SLAMF9: variants seen among roughly 807,000 people sequenced by gnomAD.
SLAMF9 encodes SLAM family member 9, also known as CD2 family member 10.
Under a neutral mutation model 30.4 loss-of-function variants are expected in SLAMF9, and 25 were observed. That is an observed-to-expected ratio of 0.82 (90% CI 0.60 to 1.15). The LOEUF (loss-of-function observed/expected upper bound fraction) is 1.15, where lower values mean the gene tolerates loss of function less well. Ranked by LOEUF, SLAMF9 falls within the 50% of genes most tolerant of loss-of-function variation. The pLI is 0.00. For synonymous variants in SLAMF9, 129 were observed against 127.2 expected, an observed-to-expected ratio of 1.01 and a Z score of -0.09; for missense variants, 344 against 346.1, an observed-to-expected ratio of 0.99 and a Z score of 0.05.
upstream of SLAMF9, among the ~76,000 whole-genome samples, chr1:159,954,601 G>A (rs1428769826): frequency 6.6e-6 from 1 of 152,166 alleles, no homozygotes; most frequent in African/African-American, 2.4e-5. Flanking sequence ...TATCTCCCCA[G>A]ACAGACTTCA....
the SLAMF9 span, chr1:159,973,367 C>T: frequency 1.8e-6 from 1 of 546,822 alleles, no homozygotes; most frequent in Non-Finnish European, 3.2e-6. Flanking sequence ...CTACTCAGTC[C>T]AGGCTGCAGC....
the SLAMF9 span, among the ~76,000 whole-genome samples, chr1:159,971,179 C>T: frequency 1.3e-5 from 2 of 152,228 alleles, no homozygotes; most frequent in Non-Finnish European, 2.9e-5. Context: ...GGCATAAATC[C>T]CTCATCATAA....
At chr1:159,958,611 C>G (rs1301554753), upstream of SLAMF9, among the ~76,000 whole-genome samples, 7 of 152,068 alleles carry the variant, frequency 4.6e-5, no homozygotes, top group Non-Finnish European at 1.0e-4. Context: ...CAGGTGAGCA[C>G]CACCATGCCC....
chr1:159,966,937 TTTTG>T, the SLAMF9 span, among the ~76,000 whole-genome samples: 1 of 152,188 alleles, frequency 6.6e-6, no homozygotes, highest in Non-Finnish European at 1.5e-5. Flanking sequence ...GTTTTTGTTT[TTTTG>T]TTTGTTTTTG....
the SLAMF9 span, among the ~76,000 whole-genome samples, chr1:159,960,101 G>T: frequency 1.3e-5 from 2 of 151,446 alleles, no homozygotes; most frequent in East Asian, 1.9e-4. Context: ...TGCCATGTTG[G>T]TGTGCTGCAC....
chr1:159,969,675 A>G, the SLAMF9 span, among the ~76,000 whole-genome samples: 16 of 152,326 alleles, frequency 1.1e-4, no homozygotes, highest in Non-Finnish European at 2.2e-4. Context: ...GGCTTATGAA[A>G]ATATTTCCTG....
the SLAMF9 span, among the ~76,000 whole-genome samples, chr1:159,970,018 CCTCTGCACTCCA>C: frequency 6.6e-6 from 1 of 152,068 alleles, no homozygotes; most frequent in Non-Finnish European, 1.5e-5. Context: ...CGTGATCGCA[CCTCTGCACTCCA>C]GTGTGGGTGA....
intron 2 of SLAMF9, 93 bp from the exon 3 acceptor site, chr1:159,952,627 C>CAGGT: frequency 7.5e-7 from 1 of 1,334,506 alleles, no homozygotes; most frequent in Non-Finnish European, 1.0e-6. Flanking sequence ...AATGCTACCC[C>CAGGT]TTGACAGCCC....
chr1:159,964,864 G>A, the SLAMF9 span, among the ~76,000 whole-genome samples: 1 of 152,132 alleles, frequency 6.6e-6, no homozygotes, highest in Non-Finnish European at 1.5e-5. Context: ...TGAGACTGGA[G>A]GCACACAAAG....
rs987045437 is a variant in SLAMF9 at position 159,954,107 on chromosome 1, G to A, written c.31C>T (p.Leu11=). Residue 11 remains leucine, a synonymous_variant, in exon 1 of 4, where the codon CTG becomes TTG. Transcript: ENST00000368093. ...CTTCACTCACCCTCCTGGAGCAGCA[G>A]GAGAAGAAGCAGCCAAGGAAAGGCA... MCAFPWLLLL[L]LLQEGSQRRL... The A allele has an allele frequency of 6.2e-7, 1 of 1,613,928 alleles. No individual in the cohort carries two copies. Among genetic ancestry groups the A allele is most frequent in the Non-Finnish European group, 8.5e-7 (1 of 1,179,972 alleles).
upstream of SLAMF9, among the ~76,000 whole-genome samples, chr1:159,957,070 C>T (rs545035241): frequency 1.1e-4 from 14 of 125,432 alleles, no homozygotes; most frequent in East Asian, 5.0e-4. Context: ...TGCAGTGAGC[C>T]GAGATCGTGC....
the SLAMF9 span, among the ~76,000 whole-genome samples, chr1:159,965,812 A>T: frequency 1.3e-5 from 2 of 152,202 alleles, no homozygotes; most frequent in Non-Finnish European, 2.9e-5. Context: ...GTTTCTTTTT[A>T]AAAAGATATA....
At chr1:159,955,891 G>A (rs1431918642), upstream of SLAMF9, among the ~76,000 whole-genome samples, 1 of 152,170 alleles carries the variant, frequency 6.6e-6, no homozygotes, top group Non-Finnish European at 1.5e-5. Context: ...AAACCTGAGG[G>A]ATTAGAATTT....
chr1:159,951,928 A>AG, intron 3 of SLAMF9, 62 bp from the exon 4 acceptor site: 2 of 1,462,812 alleles, frequency 1.4e-6, no homozygotes, highest in Non-Finnish European at 1.9e-6. Flanking sequence ...AGATTTGGGC[A>AG]GACTCCTACC....
chr1:159,953,243 C>A, intron 2 of SLAMF9, 66 bp downstream of exon 2: 1 of 1,381,634 alleles, frequency 7.2e-7, no homozygotes, highest in Non-Finnish European at 1.0e-6. Flanking sequence ...GAGACGCCCA[C>A]TCCATGGTGT....
chr1:159,958,950 G>A (rs1271027032), upstream of SLAMF9, among the ~76,000 whole-genome samples: 1 of 152,308 alleles, frequency 6.6e-6, no homozygotes, highest in African/African-American at 2.4e-5. Context: ...CCTGTGCCAT[G>A]TAATATTCAA....
intron 3 of SLAMF9, 49 bp downstream of exon 3, chr1:159,952,213 T>A (rs1225114270): frequency 6.3e-7 from 1 of 1,597,172 alleles, no homozygotes; most frequent in African/African-American, 1.3e-5. Flanking sequence ...ATGGTGCCTC[T>A]AGGCACTATC....
chr1:159,967,407 G>C, the SLAMF9 span, among the ~76,000 whole-genome samples: 2 of 152,092 alleles, frequency 1.3e-5, no homozygotes, highest in Non-Finnish European at 2.9e-5. Flanking sequence ...TAGGCTTTTG[G>C]AACCTTTGTC....
upstream of SLAMF9, among the ~76,000 whole-genome samples, chr1:159,956,608 C>T (rs1467251345): frequency 6.6e-6 from 1 of 152,146 alleles, no homozygotes; most frequent in Non-Finnish European, 1.5e-5. Flanking sequence ...AGAGTTTTGA[C>T]ACCTCCCCAT....
Sources: gnomAD v4.1 joint callset for allele counts (sites outside exome capture counted in the v4.1 genomes callset) on GRCh38, gnomAD v4.1.1 for gene constraint, MANE v1.5 for transcripts, NCBI Gene and HGNC (gene_info 2026-07-23, HGNC 2026-07-21) for gene names.